The following PDE7B variants were observed in gnomAD, a reference collection of about 807,000 sequenced individuals.
The protein encoded by PDE7B is 3',5'-cyclic-AMP phosphodiesterase 7B.
Under a neutral mutation model 56.2 loss-of-function variants are expected in PDE7B, and 29 were observed. The observed-to-expected ratio is 0.52, with a 90% CI of 0.38 to 0.70. PDE7B has a LOEUF of 0.70. Ranked by LOEUF, PDE7B falls within the 30% of genes least tolerant of loss-of-function variation. The pLI is 0.00. For synonymous variants in PDE7B, 197 were observed against 196.9 expected (o/e 1.00, Z 0.00); for missense variants, 490 against 565.0 (o/e 0.87, Z 1.35).
intron 1 of PDE7B, among the ~76,000 whole-genome samples, chr6:135,904,641 T>G: frequency 6.6e-6 from 1 of 152,196 alleles, no homozygotes; most frequent in Non-Finnish European, 1.5e-5. Flanking sequence ...TCAAACACTG[T>G]GATGTAAAAT....
rs548353746 is a variant in PDE7B at position 136,010,923 on chromosome 6, G to C, written c.82+63399G>C. On this transcript the variant is annotated intron_variant, in intron 2 of 12. Transcript: ENST00000308191. ...TGCACCGGGTGCTCCCAGAATTACT[G>C]CAAGGGAGGTTCATTCACCTGGGAT... is the stretch of plus-strand genomic sequence containing the variant. Among the ~76,000 whole-genome samples the C allele has an allele frequency of 3.3e-5, 5 of 152,272 alleles. No homozygotes were observed. In the South Asian group the frequency reaches 1.0e-3, roughly 32 times the overall value.
chr6:136,067,407 A>G (rs1294136581), intron 2 of PDE7B, among the ~76,000 whole-genome samples: 1 of 152,162 alleles, frequency 6.6e-6, no homozygotes, highest in Non-Finnish European at 1.5e-5. Flanking sequence ...CCCACTTTCA[A>G]ATCCCTACTA....
intron 3 of PDE7B, among the ~76,000 whole-genome samples, chr6:136,131,565 C>A (rs925041214): frequency 6.7e-6 from 1 of 149,086 alleles, no homozygotes; most frequent in African/African-American, 2.5e-5. Flanking sequence ...CCCTTCCCCA[C>A]AAGCTGCTGC....
At chr6:136,160,562 C>T (rs1391286957) in intron 8 of PDE7B, among the ~76,000 whole-genome samples, 2 of 152,180 alleles carry the variant, frequency 1.3e-5, no homozygotes, top group African/African-American at 4.8e-5. Flanking sequence ...ATCCTCTCAT[C>T]CACCTACTCT....
At chr6:135,948,096 G>A (rs1339512066) in intron 2 of PDE7B, among the ~76,000 whole-genome samples, 2 of 151,958 alleles carry the variant, frequency 1.3e-5, no homozygotes, top group Non-Finnish European at 2.9e-5. Flanking sequence ...AGGTAATGAA[G>A]TTGGTATTAT....
Position 135,961,255 on chromosome 6 carries a change from A to ATGTGTG in PDE7B, c.82+13751_82+13756dup, listed in dbSNP as rs961322926. ...GCAATTGTTGGGTCATAGAGTGTAT[A>ATGTGTG]TGTGTGTGTGTGTGTGTGTGTGTGT... On this transcript the variant is annotated intron_variant, in intron 2 of 12. Transcript: ENST00000308191. Among the ~76,000 whole-genome samples, 400 of 146,172 alleles carry ATGTGTG rather than the reference A, an allele frequency of 2.7e-3. 1 individual carries two copies. Among genetic ancestry groups the ATGTGTG allele is most frequent in the East Asian group, 0.024 (118 of 5,000 alleles).
At chr6:135,962,253 C>A (rs947405303) in intron 2 of PDE7B, among the ~76,000 whole-genome samples, 2 of 152,050 alleles carry the variant, frequency 1.3e-5, no homozygotes, top group African/African-American at 2.4e-5. Context: ...CTAAACTTAA[C>A]CTTCATGTGT....
chr6:136,187,008 G>GTTTT (rs754077118), intron 11 of PDE7B, 28 bp from the exon 12 acceptor site: 2 of 1,208,946 alleles, frequency 1.7e-6, no homozygotes, highest in Non-Finnish European at 2.4e-6. Context: ...TTACCAATGT[G>GTTTT]TTTTTTTCTT....
rs1433684551 is a variant in PDE7B, at chr6:136,147,344, T to C, written c.167-7T>C. 2 of 1,597,408 alleles carry C rather than the reference T, an allele frequency of 1.3e-6. No individual in the cohort carries two copies. The highest frequency in any genetic ancestry group is 1.7e-5 in the Admixed American group (1 of 59,114). ...TATAAATTTCTTGACTTGATGACTTTCCACAGGTACAACATACTCAGGGGA... is the reference window on the plus strand; with the variant it reads ...TATAAATTTCTTGACTTGATGACTTCCCACAGGTACAACATACTCAGGGGA... On this transcript the variant is annotated splice_polypyrimidine_tract_variant and splice_region_variant and intron_variant, in intron 3 of 12. Coordinates refer to ENST00000308191, the MANE Select transcript of PDE7B (RefSeq NM_018945.4).
intron 2 of PDE7B, among the ~76,000 whole-genome samples, chr6:136,053,837 T>C (rs1375954067): frequency 1.3e-5 from 2 of 152,186 alleles, no homozygotes; most frequent in East Asian, 1.9e-4. Flanking sequence ...TCATGTGTTT[T>C]TTGGCTGCAC....
At chr6:136,020,260 C>T (rs1776049105) in intron 2 of PDE7B, among the ~76,000 whole-genome samples, 1 of 152,082 alleles carries the variant, frequency 6.6e-6, no homozygotes, top group Admixed American at 6.5e-5. Flanking sequence ...CACTAGAGAG[C>T]CCCATTCTGC....
intron 8 of PDE7B, among the ~76,000 whole-genome samples, chr6:136,162,621 A>C (rs1205823657): frequency 6.6e-6 from 1 of 152,182 alleles, no homozygotes; most frequent in African/African-American, 2.4e-5. Flanking sequence ...CCAAAGTTTT[A>C]ACTCATTCCA....
intron 3 of PDE7B, among the ~76,000 whole-genome samples, chr6:136,134,567 CA>C (rs1378443703): frequency 6.6e-6 from 1 of 151,454 alleles, no homozygotes; most frequent in Non-Finnish European, 1.5e-5. Context: ...AAATTTCATT[CA>C]AACTGGGATT....
At chr6:136,182,846 G>T (rs1779087876) in intron 11 of PDE7B, among the ~76,000 whole-genome samples, 3 of 152,166 alleles carry the variant, frequency 2.0e-5, no homozygotes, top group Admixed American at 1.3e-4. Flanking sequence ...GGCTTAGGCA[G>T]GTGGATCACC....
chr6:136,150,021 G>A (rs1040027946), intron 5 of PDE7B, among the ~76,000 whole-genome samples: 4 of 149,874 alleles, frequency 2.7e-5, no homozygotes, highest in Non-Finnish European at 4.5e-5. Context: ...GGTAAACTAA[G>A]TTACCTGTGA....
At chr6:136,094,659 G>A (rs118043749) in intron 2 of PDE7B, 1 of 152,252 alleles carries the variant, frequency 6.6e-6, no homozygotes, top group East Asian at 1.9e-4. Flanking sequence ...CCCTATAGAG[G>A]GCAATTTACT....
chr6:135,879,311 G>A (rs1246703878), intron 1 of PDE7B, among the ~76,000 whole-genome samples: 1 of 152,012 alleles, frequency 6.6e-6, no homozygotes, highest in African/African-American at 2.4e-5. Context: ...AAACAAACAA[G>A]GGAACAGATA....
At chr6:136,045,195 A>G (rs537437718) in intron 2 of PDE7B, among the ~76,000 whole-genome samples, 1 of 152,152 alleles carries the variant, frequency 6.6e-6, no homozygotes, top group Non-Finnish European at 1.5e-5. Flanking sequence ...AGCAGAGCTC[A>G]CGGAATTTGT....
chr6:136,171,331 A>G (rs1342819936), intron 8 of PDE7B, among the ~76,000 whole-genome samples: 2 of 152,192 alleles, frequency 1.3e-5, no homozygotes, highest in Non-Finnish European at 2.9e-5. Context: ...CTGGTCACAA[A>G]GATTACCGGC....
Sources: gnomAD v4.1 joint callset for allele counts (sites outside exome capture counted in the v4.1 genomes callset) on GRCh38, gnomAD v4.1.1 for gene constraint, MANE v1.5 for transcripts, NCBI Gene and HGNC (gene_info 2026-07-23, HGNC 2026-07-21) for gene names.